PTPRT: variants seen among roughly 807,000 people sequenced by gnomAD.
PTPRT encodes the protein protein tyrosine phosphatase receptor type T, also known as receptor-type tyrosine-protein phosphatase T.
In PTPRT, 56 loss-of-function variants were observed where a neutral mutation model predicts 176.8. The observed-to-expected ratio is 0.32, with a 90% confidence interval of 0.26 to 0.40. PTPRT has a LOEUF of 0.40. PTPRT is among the 10% of genes least tolerant of loss of function. The probability of loss-of-function intolerance (pLI) is 1.00; values close to 1 mark genes in which losing one functional copy is unlikely to be tolerated. For missense variants in PTPRT, 1,540 were observed against 1,908.2 expected, an observed-to-expected ratio of 0.81 and a Z score of 3.60; for synonymous variants, 783 against 739.0, an observed-to-expected ratio of 1.06 and a Z score of -0.96.
At chr20:42,962,532 T>C (rs896008931) in intron 1 of PTPRT, among the ~76,000 whole-genome samples, 36 of 152,142 alleles carry the variant, frequency 2.4e-4, no homozygotes, top group South Asian at 1.0e-3. Flanking sequence ...TTTCCAAGCA[T>C]ACAAAAAGAA....
At chr20:42,474,212 G>A (rs2071247907) in intron 7 of PTPRT, among the ~76,000 whole-genome samples, 1 of 152,144 alleles carries the variant, frequency 6.6e-6, no homozygotes, top group Admixed American at 6.5e-5. Flanking sequence ...TATGCAAAAT[G>A]ATGGACTAGG....
chr20:42,577,338 G>A (rs1400299285), intron 7 of PTPRT, among the ~76,000 whole-genome samples: 1 of 152,144 alleles, frequency 6.6e-6, no homozygotes, highest in Non-Finnish European at 1.5e-5. Context: ...AGGCGGATGA[G>A]CAAACCTGGT....
At chr20:42,227,807 C>T (rs1417000031) in intron 15 of PTPRT, among the ~76,000 whole-genome samples, 1 of 151,886 alleles carries the variant, frequency 6.6e-6, no homozygotes, top group South Asian at 2.1e-4. Context: ...CGGGGTTTCA[C>T]CATGTTAACC....
chr20:42,928,809 G>C (rs1238349028), intron 1 of PTPRT, among the ~76,000 whole-genome samples: 1 of 152,106 alleles, frequency 6.6e-6, no homozygotes, highest in African/African-American at 2.4e-5. Flanking sequence ...CAGGGAAGAC[G>C]CTGCCACTCA....
chr20:42,063,356 T>G, the PTPRT span, among the ~76,000 whole-genome samples: 1 of 152,296 alleles, frequency 6.6e-6, no homozygotes, highest in East Asian at 1.9e-4. Flanking sequence ...ATTACTTATC[T>G]CTGGGGAACT....
At chr20:42,898,802 T>A (rs1463192049) in intron 1 of PTPRT, among the ~76,000 whole-genome samples, 1 of 151,980 alleles carries the variant, frequency 6.6e-6, no homozygotes, top group Non-Finnish European at 1.5e-5. Flanking sequence ...AAGGAGAAAG[T>A]GCGATGAAAG....
intron 15 of PTPRT, among the ~76,000 whole-genome samples, chr20:42,200,323 AG>A (rs1991398480): frequency 6.6e-6 from 1 of 152,242 alleles, no homozygotes; most frequent in South Asian, 2.1e-4. Context: ...CCAACCTTAT[AG>A]GGTTGTGAGG....
chr20:42,316,180 T>A (rs924901818), intron 11 of PTPRT, among the ~76,000 whole-genome samples, 184 bp from the exon 12 acceptor site: 2 of 152,150 alleles, frequency 1.3e-5, no homozygotes, highest in Non-Finnish European at 2.9e-5. Flanking sequence ...TCCACTTAGC[T>A]GTCTCAGAGC....
chr20:43,151,186 A>G (rs1313636580), intron 1 of PTPRT, among the ~76,000 whole-genome samples: 3 of 151,908 alleles, frequency 2.0e-5, no homozygotes, highest in East Asian at 2.0e-4. Context: ...TGTGCCTGTA[A>G]TCCCAGCTAC....
chr20:42,489,005 AGTTTGTGT>A (rs776332054), intron 7 of PTPRT, among the ~76,000 whole-genome samples: 1 of 74,272 alleles, frequency 1.3e-5, no homozygotes, highest in Non-Finnish European at 2.8e-5. Flanking sequence ...AAATCAACCA[AGTTTGTGT>A]GTGTGTGTGT....
intron 13 of PTPRT, among the ~76,000 whole-genome samples, chr20:42,277,994 G>T (rs1204297485): frequency 6.8e-6 from 1 of 146,734 alleles, no homozygotes; most frequent in Admixed American, 6.9e-5. Context: ...TAATAAAACA[G>T]TGCTCAAAAT....
At chr20:42,378,235 G>A (rs760225947) in intron 9 of PTPRT, among the ~76,000 whole-genome samples, 8 of 152,190 alleles carry the variant, frequency 5.3e-5, no homozygotes, top group Non-Finnish European at 8.8e-5. Context: ...CTAGGACAGC[G>A]GGAGGCACCA....
intron 6 of PTPRT, among the ~76,000 whole-genome samples, chr20:42,723,368 C>T (rs557349398): frequency 3.8e-4 from 58 of 152,260 alleles, no homozygotes; most frequent in Admixed American, 1.5e-3. Flanking sequence ...AACCAGGGGC[C>T]GGATGTCCCA....
In PTPRT at chr20:42,858,390, G is replaced by A. The variant is rs760143354; in HGVS notation, c.214+27417C>T. Among the ~76,000 whole-genome samples, 4 of 152,256 alleles carry A rather than the reference G, an allele frequency of 2.6e-5. No individual in the cohort carries two copies. In the South Asian group the frequency reaches 6.2e-4, roughly 24 times the overall value. On this transcript the variant is annotated intron_variant, in intron 2 of 30. Coordinates refer to ENST00000373187, the MANE Select transcript of PTPRT (RefSeq NM_007050.6). ...AAAACAACTTACCAGGGTTCTTACCGAAGGCAGGCCAGGATGATCAGATAG... is the reference window on the plus strand; with the variant it reads ...AAAACAACTTACCAGGGTTCTTACCAAAGGCAGGCCAGGATGATCAGATAG...
At chr20:42,139,833 G>T (rs1988541414) in intron 18 of PTPRT, among the ~76,000 whole-genome samples, 1 of 152,384 alleles carries the variant, frequency 6.6e-6, no homozygotes, top group African/African-American at 2.4e-5. Context: ...CAGAGTGGGG[G>T]CTCCCCAGGA....
intron 7 of PTPRT, among the ~76,000 whole-genome samples, chr20:42,523,473 CT>C (rs1209570031): frequency 1.6e-4 from 25 of 152,258 alleles, no homozygotes; most frequent in African/African-American, 6.0e-4. Context: ...ATAGGGATAA[CT>C]TGCCTCCTAG....
At chr20:42,524,624 G>A (rs976360564) in intron 7 of PTPRT, among the ~76,000 whole-genome samples, 1 of 152,008 alleles carries the variant, frequency 6.6e-6, no homozygotes, top group African/African-American at 2.4e-5. Flanking sequence ...TATTTATCCC[G>A]CTTAGGATAA....
chr20:42,153,721 G>A (rs910621765), intron 17 of PTPRT, among the ~76,000 whole-genome samples: 2 of 152,004 alleles, frequency 1.3e-5, no homozygotes, highest in African/African-American at 4.8e-5. Flanking sequence ...CTGCCTACAC[G>A]TGTCTCCATG....
chr20:42,483,622 A>T (rs899363191), intron 7 of PTPRT, among the ~76,000 whole-genome samples: 1 of 152,362 alleles, frequency 6.6e-6, no homozygotes, highest in Admixed American at 6.5e-5. Context: ...GCCCTATCCC[A>T]TAGGTCCTCC....
Sources: gnomAD v4.1 joint callset for allele counts (sites outside exome capture counted in the v4.1 genomes callset) on GRCh38, gnomAD v4.1.1 for gene constraint, MANE v1.5 for transcripts, NCBI Gene and HGNC (gene_info 2026-07-23, HGNC 2026-07-21) for gene names.